RGP1: variants seen among roughly 807,000 people sequenced by gnomAD.
RGP1 encodes RAB6A-GEF complex partner protein 2.
In RGP1, 28 loss-of-function variants were observed where a neutral mutation model predicts 44.5. The ratio of observed to expected loss-of-function variants is 0.63; its 90% CI spans 0.47 to 0.86. RGP1 has a LOEUF of 0.86. Ranked by LOEUF, RGP1 falls within the 40% of genes least tolerant of loss-of-function variation. The pLI is 0.00. For missense variants in RGP1, 417 were observed against 490.7 expected, an observed-to-expected ratio of 0.85 and a Z score of 1.42; for synonymous variants, 212 against 196.7, an observed-to-expected ratio of 1.08 and a Z score of -0.65.
Position 35,753,584 on chromosome 9 carries a change from C to A in RGP1, c.*710C>A. ...TCTTCTGTTCATTCTTACATCACAG[C>A]AATCTAGTCACTCCCTGGTCATCCC... is the stretch of plus-strand genomic sequence containing the variant. On this transcript the variant is annotated 3_prime_UTR_variant, in exon 9 of 9. Coordinates refer to ENST00000378078, the MANE Select transcript of RGP1 (RefSeq NM_001080496.3). The surrounding 1 kb of genome is among the most constrained non-coding windows in gnomAD (Gnocchi z 4.2). 8.1e-7 allele frequency: 1 copy of A among 1,236,888 alleles called. No individual in the cohort carries two copies. The highest frequency in any genetic ancestry group is 1.2e-6 in the Non-Finnish European group (1 of 860,644). 76.6% of individuals were successfully genotyped at this position (1,236,888 alleles called of 1,614,324 possible).
In RGP1 at chr9:35,749,287, A is replaced by T. The variant is rs1319265091; in HGVS notation, c.-141A>T. ...CGCGGAGGGTGGGGGACCGAAGGGA[A>T]GTCCCGCCTCTACCGCCCAGCGGAC... On this transcript the variant is annotated 5_prime_UTR_variant, in exon 1 of 9. Transcript: ENST00000378078. This position sits in a 1 kb window ranked among gnomAD's most constrained non-coding sequence, Gnocchi z 4.4. The T allele has an allele frequency of 2.0e-6, 1 of 506,426 alleles. No homozygotes were observed. Among genetic ancestry groups the T allele is most frequent in the Non-Finnish European group, 4.0e-6 (1 of 247,642 alleles). The allele number at this position is 506,426 out of a possible 1,614,324, so 31.4% of individuals were successfully genotyped here. A position where few individuals can be genotyped will look rare whatever the true frequency, so the allele number is the denominator to read the frequency against.
chr9:35,763,899 A>G, the RGP1 span, among the ~76,000 whole-genome samples: 4 of 149,926 alleles, frequency 2.7e-5, no homozygotes, highest in South Asian at 8.4e-4. Context: ...AAAAAAAAAA[A>G]AGAAAAGAGA....
chr9:35,750,183 T>C, intron 2 of RGP1, 60 bp from the exon 3 acceptor site: 1 of 1,571,916 alleles, frequency 6.4e-7, no homozygotes, highest in Non-Finnish European at 8.6e-7. Context: ...ATAGGGAGCT[T>C]GGGAAAGCAT....
chr9:35,770,492 GGAGAGAGAGAGAGAGAGAGAGAGA>G, the RGP1 span, among the ~76,000 whole-genome samples: 4 of 107,110 alleles, frequency 3.7e-5, no homozygotes, highest in South Asian at 3.2e-4. Flanking sequence ...GTATTACCAT[GGAGAGAGAGAGAGAGAGAGAGAGA>G]GAGAGAGAGA....
At position 35,751,632 on chromosome 9, in the gene RGP1, T is replaced by C; in HGVS notation, c.640T>C (p.Tyr214His). Residue 214 changes from tyrosine (Y) to histidine (H), a missense_variant, in exon 7 of 9, where the codon TAC becomes CAC. Physicochemically the swap from Tyr to His is moderately conservative, Grantham distance 83 (BLOSUM62 2). Transcript: ENST00000378078. ...TAGTGTCCTATTCTCCCCAGATCTA[T>C]ACAATATCAGTGATGGCCGAGGGAA... ...AATSCRSLHL[Y>H]NISDGRGKVG... The C allele has an allele frequency of 2.5e-6, 4 of 1,613,952 alleles. No individual in the cohort carries two copies. The highest frequency in any genetic ancestry group is 3.4e-6 in the Non-Finnish European group (4 of 1,179,870).
chr9:35,749,307 GC>G lies in RGP1; in HGVS notation c.-120del, dbSNP rs1405742298. ...AGGGAAGTCCCGCCTCTACCGCCCA[GC>G]GGACGCCGCCGCCGCCGCCGCCGCC... is the stretch of plus-strand genomic sequence containing the variant. On this transcript the variant is annotated 5_prime_UTR_variant, in exon 1 of 9. Coordinates refer to ENST00000378078, the MANE Select transcript of RGP1 (RefSeq NM_001080496.3). The surrounding 1 kb of genome is among the most constrained non-coding windows in gnomAD (Gnocchi z 4.4). 1 of 521,448 alleles carries G rather than the reference GC, an allele frequency of 1.9e-6. No individual in the cohort carries two copies. The highest frequency in any genetic ancestry group is 1.4e-5 in the South Asian group (1 of 70,108). 32.3% of individuals were successfully genotyped at this position (521,448 alleles called of 1,614,324 possible).
the RGP1 span, among the ~76,000 whole-genome samples, chr9:35,776,356 G>A: frequency 2.0e-5 from 3 of 151,294 alleles, no homozygotes. Flanking sequence ...GTATGATCTC[G>A]GTTCACTGCA....
At chr9:35,768,103 A>AT in the RGP1 span, among the ~76,000 whole-genome samples, 257 of 135,386 alleles carry the variant, frequency 1.9e-3, no homozygotes, top group Middle Eastern at 4.2e-3. Flanking sequence ...GCCTGGCCAG[A>AT]TTTTTTTTTT....
At position 35,756,378 on chromosome 9, in the gene RGP1, T is replaced by G. The variant is rs1339737117; in HGVS notation, c.*3504T>G. On this transcript the variant is annotated 3_prime_UTR_variant, in exon 9 of 9. Transcript: ENST00000378078. Reference sequence around the variant, plus strand: ...CTGTGTCAGTGCACCTCAAACTCCCTTGCTGTCCTTTTCCAAGGAGACAGC... The same window carrying G: ...CTGTGTCAGTGCACCTCAAACTCCCGTGCTGTCCTTTTCCAAGGAGACAGC... The G allele has an allele frequency of 2.0e-5, 3 of 152,350 alleles. No homozygotes were observed. Among genetic ancestry groups the G allele is most frequent in the Admixed American group, 1.3e-4 (2 of 15,292 alleles). 9.4% of individuals were successfully genotyped at this position (152,350 alleles called of 1,614,324 possible). A position where few individuals can be genotyped will look rare whatever the true frequency, so the allele number is the denominator to read the frequency against.
In RGP1 at chr9:35,755,275, C is replaced by T. The variant is rs545289970; in HGVS notation, c.*2401C>T. On this transcript the variant is annotated 3_prime_UTR_variant, in exon 9 of 9. Coordinates refer to ENST00000378078, the MANE Select transcript of RGP1 (RefSeq NM_001080496.3). ...GAGATAATGCGTGCAGTGCTCTTATCACCATCTCTGGTGCGTAAGCGTCAG... is the reference window on the plus strand; with the variant it reads ...GAGATAATGCGTGCAGTGCTCTTATTACCATCTCTGGTGCGTAAGCGTCAG... 1 of 152,356 alleles carries T rather than the reference C, an allele frequency of 6.6e-6. No homozygotes were observed. The highest frequency in any genetic ancestry group is 1.9e-4 in the East Asian group (1 of 5,192). The allele number at this position is 152,356 out of a possible 1,614,324, so 9.4% of individuals were successfully genotyped here.
the RGP1 span, among the ~76,000 whole-genome samples, chr9:35,766,506 T>G: frequency 6.6e-6 from 1 of 152,332 alleles, no homozygotes; most frequent in East Asian, 1.9e-4. Flanking sequence ...TTTTGCTTTT[T>G]TCTTGTATGG....
rs1042973861 is a variant in RGP1 at position 35,757,344 on chromosome 9, A to G, written c.*4470A>G. The G allele has an allele frequency of 6.6e-6, 1 of 152,584 alleles. No homozygotes were observed. 9.5% of individuals were successfully genotyped at this position (152,584 alleles called of 1,614,324 possible). On this transcript the variant is annotated 3_prime_UTR_variant, in exon 9 of 9. Coordinates refer to ENST00000378078, the MANE Select transcript of RGP1 (RefSeq NM_001080496.3). ...TGGTGTCGCTACGGGCGCGAAACGG[A>G]CACTGAACACAGTCTGACTGTATGG...
chr9:35,778,336 A>C, the RGP1 span, among the ~76,000 whole-genome samples: 1 of 152,050 alleles, frequency 6.6e-6, no homozygotes, highest in Non-Finnish European at 1.5e-5. Flanking sequence ...GATAATGAAA[A>C]AACTGTCTCT....
intron 6 of RGP1, 75 bp from the exon 7 acceptor site, chr9:35,751,552 T>G: frequency 1.2e-6 from 2 of 1,604,834 alleles, no homozygotes; most frequent in Non-Finnish European, 1.7e-6. Flanking sequence ...AGCCCCATCT[T>G]TTGGCCTGTG....
At chr9:35,777,204 A>G in the RGP1 span, among the ~76,000 whole-genome samples, 203 of 131,400 alleles carry the variant, frequency 1.5e-3, no homozygotes, top group Admixed American at 2.7e-3. Context: ...ATCTTGGCTC[A>G]CTGCAAGCTC....
chr9:35,774,555 G>A, the RGP1 span, among the ~76,000 whole-genome samples: 13 of 151,996 alleles, frequency 8.6e-5, no homozygotes, highest in African/African-American at 3.1e-4. Context: ...GTGAAACCCC[G>A]TCTCTACTAA....
the RGP1 span, among the ~76,000 whole-genome samples, chr9:35,775,621 T>C: frequency 6.6e-6 from 1 of 152,236 alleles, no homozygotes; most frequent in Non-Finnish European, 1.5e-5. Flanking sequence ...CGTTTGTCTC[T>C]TCCTAGTTAG....
chr9:35,775,256 G>T, the RGP1 span, among the ~76,000 whole-genome samples: 13 of 152,168 alleles, frequency 8.5e-5, no homozygotes, highest in Non-Finnish European at 1.9e-4. Context: ...CAGAGAATTA[G>T]CTGGCTGTGA....
rs1827267722 is a variant in RGP1 at position 35,751,685 on chromosome 9, T to C, written c.693T>C (p.Ser231=). The C allele has an allele frequency of 6.2e-7, 1 of 1,614,004 alleles. No homozygotes were observed. Residue 231 remains serine (S), a synonymous_variant, in exon 7 of 9, where the codon TCT becomes TCC. Transcript: ENST00000378078. ...TTGGGACGTTTGGCATCTTCAAATC[T>C]GTGTACAGACTTGGCGAGGACGTGG... The part of the protein sequence containing the change: ...GKVGTFGIFK[S]VYRLGEDVVG...
Sources: gnomAD v4.1 joint callset for allele counts (sites outside exome capture counted in the v4.1 genomes callset) on GRCh38, gnomAD v4.1.1 for gene constraint, Gnocchi (gnomAD v3.1) non-coding constraint, MANE v1.5 for transcripts, NCBI Gene and HGNC (gene_info 2026-07-23, HGNC 2026-07-21) for gene names.